The following GADL1 variants were observed in gnomAD, a reference collection of about 807,000 sequenced individuals.
GADL1 encodes GAD like acidic amino acid decarboxylase 1, also known as acidic amino acid decarboxylase GADL1.
GADL1 carries 71 observed loss-of-function variants against 69.5 expected under a neutral mutation model. That is an observed-to-expected ratio of 1.02 (90% CI 0.84 to 1.25). GADL1 has a LOEUF of 1.25. GADL1 is among the 50% of genes most tolerant of loss of function. The pLI, the probability that GADL1 is intolerant of heterozygous loss-of-function variation, is 0.00. For missense variants in GADL1, 737 were observed against 631.8 expected (o/e 1.17, Z -1.79); for synonymous variants, 254 against 214.4 (o/e 1.18, Z -1.62).
chr3:30,869,061 C>T (rs938958794), intron 1 of GADL1, among the ~76,000 whole-genome samples: 2 of 137,384 alleles, frequency 1.5e-5, no homozygotes, highest in African/African-American at 5.7e-5. Flanking sequence ...CAGCCTGGTG[C>T]CTGTGGATAC....
At chr3:30,840,445 G>A (rs1697947563) in intron 8 of GADL1, among the ~76,000 whole-genome samples, 1 of 152,144 alleles carries the variant, frequency 6.6e-6, no homozygotes, top group African/African-American at 2.4e-5. Flanking sequence ...GTCAGTAGGT[G>A]ACAGAGCCCT....
At position 30,844,262 on chromosome 3, in the gene GADL1, C is replaced by T. The variant is rs1698018544; in HGVS notation, c.734G>A (p.Gly245Asp). ...CTCCAGTTCCTCAGGTATCATTTTA[C>T]CTCTAAGGGACAAAGATTTGAGACT... is the stretch of plus-strand genomic sequence containing the variant. ...NVCFVETDGRGKMIPEELEKQ... is the reference protein window; with the variant it reads ...NVCFVETDGRDKMIPEELEKQ... Residue 245 changes from glycine (G) to aspartate (D), a missense_variant and splice_region_variant, in exon 8 of 15, where the codon GGT (glycine) becomes GAT (aspartate). By Grantham distance (94) the Gly-to-Asp change is moderately conservative. Transcript: ENST00000282538. The T allele has an allele frequency of 1.2e-6, 2 of 1,611,746 alleles. No individual in the cohort carries two copies. Among genetic ancestry groups the T allele is most frequent in the Non-Finnish European group, 1.7e-6 (2 of 1,178,844 alleles).
chr3:30,856,403 C>T (rs1014244386), intron 3 of GADL1, among the ~76,000 whole-genome samples: 6 of 152,028 alleles, frequency 3.9e-5, no homozygotes, highest in Non-Finnish European at 7.4e-5. Context: ...CATTACTGCA[C>T]GTACAAAGTT....
chr3:30,775,292 C>T (rs957999196), intron 14 of GADL1, among the ~76,000 whole-genome samples: 1 of 152,214 alleles, frequency 6.6e-6, no homozygotes, highest in Non-Finnish European at 1.5e-5. Flanking sequence ...ACAGCTCAAC[C>T]TGACGTTAGT....
chr3:30,843,723 G>A (rs1559358756), intron 8 of GADL1, among the ~76,000 whole-genome samples: 2 of 152,206 alleles, frequency 1.3e-5, no homozygotes, highest in Non-Finnish European at 2.9e-5. Context: ...AGACCCAACA[G>A]GGGTTGATAG....
chr3:30,811,233 G>A (rs1697347144), intron 11 of GADL1, among the ~76,000 whole-genome samples: 1 of 152,076 alleles, frequency 6.6e-6, no homozygotes, highest in South Asian at 2.1e-4. Flanking sequence ...CTTAGAAAAT[G>A]AGGAGACTGA....
chr3:30,782,091 C>T (rs540781837), intron 13 of GADL1, among the ~76,000 whole-genome samples: 1 of 152,200 alleles, frequency 6.6e-6, no homozygotes, highest in South Asian at 2.1e-4. Flanking sequence ...ACAGGGTGTA[C>T]TGAAGAGAGG....
chr3:30,867,203 T>C (rs1698415885), intron 1 of GADL1, among the ~76,000 whole-genome samples: 1 of 151,896 alleles, frequency 6.6e-6, no homozygotes, highest in African/African-American at 2.4e-5. Flanking sequence ...GAGCCTAGGA[T>C]CTAAAATTTC....
chr3:30,762,653 A>C (rs191033640), intron 14 of GADL1, among the ~76,000 whole-genome samples: 6 of 152,302 alleles, frequency 3.9e-5, no homozygotes, highest in Admixed American at 3.9e-4. Context: ...TTATTTAAAA[A>C]TGTAGTTATT....
At chr3:30,878,023 C>G (rs1413957337) in intron 1 of GADL1, among the ~76,000 whole-genome samples, 2 of 151,828 alleles carry the variant, frequency 1.3e-5, no homozygotes, top group Admixed American at 1.3e-4. Context: ...CAGTGTCTTA[C>G]AGGTTTTGTT....
intron 14 of GADL1, among the ~76,000 whole-genome samples, chr3:30,737,657 G>A (rs1674081857): frequency 6.6e-6 from 1 of 152,010 alleles, no homozygotes; most frequent in Admixed American, 6.6e-5. Context: ...TAAAATTGGT[G>A]GTCTATAGCC....
At position 30,891,801 on chromosome 3, in the gene GADL1, A is replaced by G. The variant is rs542208413; in HGVS notation, c.37+2777T>C. 1.4e-4 allele frequency among the ~76,000 whole-genome samples: 21 copies of G among 152,340 alleles called. No homozygotes were observed. In the East Asian group the frequency reaches 3.5e-3, roughly 25 times the overall value. ...GCCTGTTGGGGGTTTCATTTAAATGATAAGAAATAAACAAAAAATGAAAAA... is the reference window on the plus strand; with the variant it reads ...GCCTGTTGGGGGTTTCATTTAAATGGTAAGAAATAAACAAAAAATGAAAAA... On this transcript the variant is annotated intron_variant, in intron 1 of 14. Coordinates refer to ENST00000282538, the MANE Select transcript of GADL1 (RefSeq NM_207359.3).
chr3:30,770,015 A>AT, intron 14 of GADL1, among the ~76,000 whole-genome samples: 1 of 152,364 alleles, frequency 6.6e-6, no homozygotes, highest in Non-Finnish European at 1.5e-5. Context: ...TCATCTGTGT[A>AT]TTATCTAGCT....
chr3:30,842,920 G>A (rs1418131845), intron 8 of GADL1, among the ~76,000 whole-genome samples: 1 of 145,318 alleles, frequency 6.9e-6, no homozygotes, highest in Non-Finnish European at 1.5e-5. Context: ...GCCAAATATT[G>A]TGATCTAGCA....
intron 1 of GADL1, among the ~76,000 whole-genome samples, chr3:30,875,081 T>C (rs1010842450): frequency 1.1e-4 from 17 of 151,772 alleles, no homozygotes; most frequent in African/African-American, 3.9e-4. Context: ...CATAAAGTAA[T>C]ACCAGCTTTG....
In GADL1 at chr3:30,727,189, C is replaced by CCCAAATTT; in HGVS notation, c.*1052_*1053insAAATTTGG. 1.2e-5 allele frequency: 1 copy of CCCAAATTT among 86,254 alleles called. No homozygotes were observed. The highest frequency in any genetic ancestry group is 2.3e-5 in the Non-Finnish European group (1 of 44,104). The allele number at this position is 86,254 out of a possible 1,614,324, so 5.3% of individuals were successfully genotyped here. ...AAACATATATATTTCCCAAATTTTT[C>CCCAAATTT]TTAAAAAGCACCCCAGTTCAGGTAT... On this transcript the variant is annotated 3_prime_UTR_variant, in exon 15 of 15. Coordinates refer to ENST00000282538, the MANE Select transcript of GADL1 (RefSeq NM_207359.3).
chr3:30,753,466 G>GT (rs1337380067), intron 14 of GADL1, among the ~76,000 whole-genome samples: 4 of 151,448 alleles, frequency 2.6e-5, no homozygotes, highest in Non-Finnish European at 5.9e-5. Flanking sequence ...AAATTCTCAG[G>GT]TTTTTTCAAT....
chr3:30,778,610 A>G, intron 13 of GADL1: 1 of 181,228 alleles, frequency 5.5e-6, no homozygotes, highest in East Asian at 1.4e-4. Context: ...TCTCTCCAAC[A>G]CTGATCCTTA....
intron 11 of GADL1, among the ~76,000 whole-genome samples, chr3:30,822,240 G>A (rs1697594899): frequency 6.6e-6 from 1 of 152,034 alleles, no homozygotes; most frequent in Non-Finnish European, 1.5e-5. Flanking sequence ...CCATGTTTCT[G>A]GCAGTCACTG....
Sources: gnomAD v4.1 joint callset for allele counts (sites outside exome capture counted in the v4.1 genomes callset) on GRCh38, gnomAD v4.1.1 for gene constraint, MANE v1.5 for transcripts, NCBI Gene and HGNC (gene_info 2026-07-23, HGNC 2026-07-21) for gene names.